Variants in SLCO3A1 observed in about 807,000 individuals in gnomAD.
SLCO3A1 encodes solute carrier organic anion transporter family member 3A1.
Under a neutral mutation model 63.1 loss-of-function variants are expected in SLCO3A1, and 27 were observed. That is an observed-to-expected ratio of 0.43 (90% CI 0.32 to 0.59). The LOEUF (loss-of-function observed/expected upper bound fraction) is 0.59, where lower values mean the gene tolerates loss of function less well. SLCO3A1 is among the 20% of genes least tolerant of loss of function. SLCO3A1 has a pLI of 0.09. For missense variants in SLCO3A1, 773 were observed against 945.8 expected, an observed-to-expected ratio of 0.82 and a Z score of 2.40; for synonymous variants, 473 against 409.9, an observed-to-expected ratio of 1.15 and a Z score of -1.86.
intron 2 of SLCO3A1, among the ~76,000 whole-genome samples, chr15:92,066,420 G>A (rs2047152450): frequency 6.6e-6 from 1 of 152,220 alleles, no homozygotes; most frequent in Non-Finnish European, 1.5e-5. Flanking sequence ...TGCATCCATA[G>A]GGTCTGGGAT....
chr15:92,065,573 G>A (rs2047140848), intron 2 of SLCO3A1, among the ~76,000 whole-genome samples: 1 of 152,162 alleles, frequency 6.6e-6, no homozygotes, highest in Non-Finnish European at 1.5e-5. Context: ...AAGGAGGCTA[G>A]GCTAAATAAT....
At chr15:92,068,575 T>G (rs997564228) in intron 2 of SLCO3A1, among the ~76,000 whole-genome samples, 1 of 152,186 alleles carries the variant, frequency 6.6e-6, no homozygotes, top group African/African-American at 2.4e-5. Context: ...TTTTAAAAAT[T>G]AACCCTGCTC....
intron 2 of SLCO3A1, among the ~76,000 whole-genome samples, chr15:92,032,501 G>A (rs1029013878): frequency 3.9e-5 from 6 of 152,160 alleles, no homozygotes; most frequent in African/African-American, 1.4e-4. Flanking sequence ...GGGTGGTGAG[G>A]GTGTGTATGG....
downstream of SLCO3A1, among the ~76,000 whole-genome samples, chr15:92,167,434 A>G (rs889019583): frequency 6.6e-6 from 1 of 152,178 alleles, no homozygotes; most frequent in African/African-American, 2.4e-5. Flanking sequence ...TGGCCTGGAA[A>G]ATTAGTTCAA....
chr15:91,880,281 A>G (rs912954580), intron 1 of SLCO3A1, among the ~76,000 whole-genome samples: 2 of 152,006 alleles, frequency 1.3e-5, no homozygotes, highest in Admixed American at 1.3e-4. Flanking sequence ...GTCTCCCCCA[A>G]TAGTAACATA....
At chr15:91,970,688 A>C (rs1900827072) in intron 2 of SLCO3A1, among the ~76,000 whole-genome samples, 1 of 152,148 alleles carries the variant, frequency 6.6e-6, no homozygotes, top group African/African-American at 2.4e-5. Flanking sequence ...CCTGACCAAA[A>C]AACAGGCATC....
At chr15:92,100,012 G>T (rs1209848166) in intron 3 of SLCO3A1, among the ~76,000 whole-genome samples, 1 of 151,406 alleles carries the variant, frequency 6.6e-6, no homozygotes, top group Non-Finnish European at 1.5e-5. Context: ...GTTGCAGTGA[G>T]CTGAGATCTC....
chr15:92,157,425 C>A (rs924488796), intron 9 of SLCO3A1, among the ~76,000 whole-genome samples: 1 of 132,284 alleles, frequency 7.6e-6, no homozygotes, highest in African/African-American at 2.8e-5. Context: ...GTACACCTGG[C>A]CCCCCCCCTT....
intron 2 of SLCO3A1, among the ~76,000 whole-genome samples, chr15:92,021,327 C>A (rs1372427751): frequency 6.6e-6 from 1 of 152,208 alleles, no homozygotes; most frequent in Non-Finnish European, 1.5e-5. Flanking sequence ...CCTATCATAC[C>A]ATTTATCAAA....
Position 91,974,265 on chromosome 15 carries a change from G to GTTGTTATTATTATTA in SLCO3A1, c.646+57809_646+57810insGTTATTATTATTATT, listed in dbSNP as rs147991710. Among the ~76,000 whole-genome samples the GTTGTTATTATTATTA allele has an allele frequency of 2.3e-3, 323 of 142,956 alleles. 2 individuals are homozygous for GTTGTTATTATTATTA. The highest frequency in any genetic ancestry group is 6.9e-3 in the African/African-American group (267 of 38,886). 93.8% of individuals were successfully genotyped at this position (142,956 alleles called of 152,430 possible). On this transcript the variant is annotated intron_variant, in intron 2 of 9. Transcript: ENST00000318445. Reference sequence around the variant, plus strand: ...CTAAACGGACACCATTTTCATTATTGTTATTATTATTATTATTATTATTAT... The same window carrying GTTGTTATTATTATTA: ...CTAAACGGACACCATTTTCATTATTGTTGTTATTATTATTATTATTATTATTATTATTATTATTAT...
chr15:91,960,262 C>T (rs961894175), intron 2 of SLCO3A1, among the ~76,000 whole-genome samples: 3 of 152,194 alleles, frequency 2.0e-5, no homozygotes, highest in African/African-American at 4.8e-5. Flanking sequence ...AGATTACAGG[C>T]GTGAGCCACC....
intron 2 of SLCO3A1, among the ~76,000 whole-genome samples, chr15:91,964,159 T>G (rs541936690): frequency 6.6e-6 from 1 of 152,274 alleles, no homozygotes; most frequent in Admixed American, 6.5e-5. Context: ...TTTATGAAAG[T>G]AGGTTTTCAG....
intron 1 of SLCO3A1, among the ~76,000 whole-genome samples, chr15:91,898,304 A>G (rs1400113547): frequency 6.6e-6 from 1 of 152,228 alleles, no homozygotes; most frequent in East Asian, 1.9e-4. Context: ...GCTTGAGATC[A>G]CAGTCTTTCC....
chr15:91,925,066 C>G (rs915943774), intron 2 of SLCO3A1, among the ~76,000 whole-genome samples: 1 of 152,200 alleles, frequency 6.6e-6, no homozygotes, highest in African/African-American at 2.4e-5. Context: ...TTCTTTACTC[C>G]GGCTTCCTTA....
In SLCO3A1 at chr15:91,912,893, C is replaced by A. The variant is rs1898530068; in HGVS notation, c.181-3100C>A. On this transcript the variant is annotated intron_variant, in intron 1 of 9. Coordinates refer to ENST00000318445, the MANE Select transcript of SLCO3A1 (RefSeq NM_013272.4). The surrounding 1 kb of genome is among the most constrained non-coding windows in gnomAD (Gnocchi z 5.0). ...GCCTGGGCGAGGCTCCCCAAAGCCCCCTACCTCCCAGGTCTTTAGGCTGCC... is the reference window on the plus strand; with the variant it reads ...GCCTGGGCGAGGCTCCCCAAAGCCCACTACCTCCCAGGTCTTTAGGCTGCC... Among the ~76,000 whole-genome samples the A allele has an allele frequency of 6.6e-6, 1 of 152,214 alleles. No homozygotes were observed. Among genetic ancestry groups the A allele is most frequent in the African/African-American group, 2.4e-5 (1 of 41,454 alleles).
At chr15:91,997,325 A>G (rs2046203319) in intron 2 of SLCO3A1, among the ~76,000 whole-genome samples, 1 of 152,348 alleles carries the variant, frequency 6.6e-6, no homozygotes, top group East Asian at 1.9e-4. Context: ...CTAGAAGGAA[A>G]ACTACAAAAC....
At chr15:92,110,868 C>G (rs866297531) in intron 4 of SLCO3A1, among the ~76,000 whole-genome samples, 118 of 71,796 alleles carry the variant, frequency 1.6e-3, no homozygotes, top group African/African-American at 5.1e-3. Flanking sequence ...TGTGTTTGAC[C>G]AATCCATAGA....
In SLCO3A1 at chr15:91,885,975, G is replaced by C. The variant is rs531968345; in HGVS notation, c.181-30018G>C. Among the ~76,000 whole-genome samples, 65 of 152,276 alleles carry C rather than the reference G, an allele frequency of 4.3e-4. No individual in the cohort carries two copies. Among genetic ancestry groups the C allele is most frequent in the African/African-American group, 1.5e-3 (61 of 41,554 alleles). ...AGACCAGTGTGTCTCTAGCAGAGAG[G>C]GTGAGAGGGAGGCAGGGGAAGATGA... is the stretch of plus-strand genomic sequence containing the variant. On this transcript the variant is annotated intron_variant, in intron 1 of 9. Coordinates refer to ENST00000318445, the MANE Select transcript of SLCO3A1 (RefSeq NM_013272.4). The surrounding 1 kb of genome is among the most constrained non-coding windows in gnomAD (Gnocchi z 4.7).
At chr15:92,114,076 C>A (rs921380214) in intron 4 of SLCO3A1, among the ~76,000 whole-genome samples, 1 of 152,174 alleles carries the variant, frequency 6.6e-6, no homozygotes, top group Admixed American at 6.5e-5. Flanking sequence ...CCCCTGGGGG[C>A]CAACAGGTCA....
Sources: gnomAD v4.1 joint callset for allele counts (sites outside exome capture counted in the v4.1 genomes callset) on GRCh38, gnomAD v4.1.1 for gene constraint, Gnocchi (gnomAD v3.1) non-coding constraint, MANE v1.5 for transcripts, NCBI Gene and HGNC (gene_info 2026-07-23, HGNC 2026-07-21) for gene names.